Variants in NCAPH2 observed in about 807,000 individuals in gnomAD.
NCAPH2 encodes condensin-2 complex subunit H2.
In NCAPH2, 56 loss-of-function variants were observed where a neutral mutation model predicts 88.6. The ratio of observed to expected loss-of-function variants is 0.63; its 90% CI spans 0.51 to 0.79. The LOEUF is 0.79. Among genes scored for constraint, NCAPH2 ranks in the 30% least tolerant of loss-of-function variants. The pLI is 0.00. For synonymous variants in NCAPH2, 378 were observed against 313.6 expected, an observed-to-expected ratio of 1.21 and a Z score of -2.17; for missense variants, 794 against 792.0, an observed-to-expected ratio of 1.00 and a Z score of -0.03.
intron 1 of NCAPH2, among the ~76,000 whole-genome samples, chr22:50,515,451 C>T (rs1176237129): frequency 5.3e-5 from 8 of 152,174 alleles, no homozygotes; most frequent in Non-Finnish European, 1.2e-4. Context: ...GGCTGGAGTG[C>T]AGTGGCGCGA....
intron 2 of NCAPH2, 42 bp downstream of exon 2, chr22:50,516,590 G>C (rs369628738): frequency 6.3e-7 from 1 of 1,582,198 alleles, no homozygotes; most frequent in South Asian, 1.1e-5. Context: ...TTGGTGGCCA[G>C]TGGGACCACA....
At chr22:50,512,617 C>A (rs2068816958) in intron 1 of NCAPH2, among the ~76,000 whole-genome samples, 1 of 145,928 alleles carries the variant, frequency 6.9e-6, no homozygotes. Context: ...GTGGTGCAAT[C>A]ATGGCTCACT....
rs753614511 is a variant in NCAPH2 at position 50,523,904 on chromosome 22, C to T, written c.*529C>T. On this transcript the variant is annotated 3_prime_UTR_variant, in exon 20 of 20. Coordinates refer to ENST00000420993, the MANE Select transcript of NCAPH2 (RefSeq NM_152299.4). ...GCCATGGCTTCAACGTCGTCCCGCT[C>T]GGGGTCCACAGTGATGAAGACAGGC... 2.4e-5 allele frequency: 38 copies of T among 1,613,648 alleles called. No individual in the cohort carries two copies. Among genetic ancestry groups the T allele is most frequent in the Non-Finnish European group, 2.7e-5 (32 of 1,179,978 alleles).
chr22:50,510,739 C>T (rs1272582590), intron 1 of NCAPH2, among the ~76,000 whole-genome samples: 2 of 151,900 alleles, frequency 1.3e-5, no homozygotes, highest in African/African-American at 2.4e-5. Context: ...TGACTGAGTC[C>T]TTTTCATTCT....
Position 50,524,220 on chromosome 22 carries a change from T to TGTGATCAGCAGCCGGGTTCGAAG in NCAPH2, c.*846_*868dup. The TGTGATCAGCAGCCGGGTTCGAAG allele has an allele frequency of 6.2e-7, 1 of 1,607,906 alleles. No individual in the cohort carries two copies. Among genetic ancestry groups the TGTGATCAGCAGCCGGGTTCGAAG allele is most frequent in the Non-Finnish European group, 8.5e-7 (1 of 1,179,850 alleles). ...CACCGAGTCCAGCCCCGAACAGGCC[T>TGTGATCAGCAGCCGGGTTCGAAG]GTGATCAGCAGCCGGGTTCGAAGCC... On this transcript the variant is annotated 3_prime_UTR_variant, in exon 20 of 20. Coordinates refer to ENST00000420993, the MANE Select transcript of NCAPH2 (RefSeq NM_152299.4).
Position 50,508,304 on chromosome 22 carries a change from C to G in NCAPH2, c.-34C>G. 2 of 1,451,826 alleles carry G rather than the reference C, an allele frequency of 1.4e-6. No homozygotes were observed. 89.9% of individuals were successfully genotyped at this position (1,451,826 alleles called of 1,614,324 possible). A position where few individuals can be genotyped will look rare whatever the true frequency, so the allele number is the denominator to read the frequency against. ...ACGCCGTACCCCTCGGAAGGCAGCC[C>G]TGCGGTCCCTTTGCCGCCCGTTCCC... On this transcript the variant is annotated 5_prime_UTR_variant, in exon 1 of 20. Transcript: ENST00000420993.
chr22:50,524,474 T>C lies in NCAPH2; in HGVS notation c.*1099T>C. 6.5e-7 allele frequency: 1 copy of C among 1,527,498 alleles called. No individual in the cohort carries two copies. The highest frequency in any genetic ancestry group is 9.0e-7 in the Non-Finnish European group (1 of 1,111,020). The allele number at this position is 1,527,498 out of a possible 1,614,324, so 94.6% of individuals were successfully genotyped here. On this transcript the variant is annotated 3_prime_UTR_variant, in exon 20 of 20. Transcript: ENST00000420993. ...AGCCAGAAGGGAAGGCCCAGGACAG[T>C]GCCTGGGCTGCCCCTGCGACTTGAG... is the stretch of plus-strand genomic sequence containing the variant.
chr22:50,511,481 C>G (rs1289518561), intron 1 of NCAPH2, among the ~76,000 whole-genome samples: 1 of 140,450 alleles, frequency 7.1e-6, no homozygotes, highest in Non-Finnish European at 1.5e-5. Flanking sequence ...TTAGTAGAGA[C>G]GGGGTTTCAC....
Position 50,517,962 on chromosome 22 carries a change from C to A in NCAPH2, c.421-11C>A. On this transcript the variant is annotated splice_polypyrimidine_tract_variant and intron_variant, in intron 5 of 19. Coordinates refer to ENST00000420993, the MANE Select transcript of NCAPH2 (RefSeq NM_152299.4). ...GGGTGCCTGGCTCACCCACCCTTGGCCTCCATGCAGGAGGTCCTCATCATC... is the reference window on the plus strand; with the variant it reads ...GGGTGCCTGGCTCACCCACCCTTGGACTCCATGCAGGAGGTCCTCATCATC... The A allele has an allele frequency of 6.2e-7, 1 of 1,612,060 alleles. No individual in the cohort carries two copies. The highest frequency in any genetic ancestry group is 8.5e-7 in the Non-Finnish European group (1 of 1,178,898).
At chr22:50,509,099 G>C (rs914038549) in intron 1 of NCAPH2, among the ~76,000 whole-genome samples, 1 of 151,994 alleles carries the variant, frequency 6.6e-6, no homozygotes, top group Non-Finnish European at 1.5e-5. Context: ...AAACATGGTG[G>C]TAGGATTTTT....
intron 1 of NCAPH2, among the ~76,000 whole-genome samples, chr22:50,510,850 A>G (rs939337725): frequency 7.0e-6 from 1 of 142,732 alleles, no homozygotes; most frequent in African/African-American, 2.6e-5. Context: ...AACCATTTAA[A>G]TTTTTTTTTT....
chr22:50,524,562 A>C lies in NCAPH2; in HGVS notation c.*1187A>C, dbSNP rs1418707538. On this transcript the variant is annotated 3_prime_UTR_variant, in exon 20 of 20. Coordinates refer to ENST00000420993, the MANE Select transcript of NCAPH2 (RefSeq NM_152299.4). ...GCTTAACAGGCATTTGCAGCTGCTC[A>C]CCTGAGCTCAGAACTCCACCTCCAC... 5.1e-6 allele frequency: 4 copies of C among 790,342 alleles called. No individual in the cohort carries two copies. Among genetic ancestry groups the C allele is most frequent in the Non-Finnish European group, 8.8e-6 (4 of 452,966 alleles). 49.0% of individuals were successfully genotyped at this position (790,342 alleles called of 1,614,324 possible). A position where few individuals can be genotyped will look rare whatever the true frequency, so the allele number is the denominator to read the frequency against.
chr22:50,510,782 C>G (rs1157621463), intron 1 of NCAPH2, among the ~76,000 whole-genome samples: 1 of 151,998 alleles, frequency 6.6e-6, no homozygotes. Context: ...GCTGACCACC[C>G]TATCTAAAAT....
intron 9 of NCAPH2, chr22:50,519,552 TGGC>T: frequency 7.7e-7 from 1 of 1,306,320 alleles, no homozygotes; most frequent in African/African-American, 1.5e-5. Flanking sequence ...AGTAGTGGGC[TGGC>T]GTCCAAGGAT....
At position 50,518,231 on chromosome 22, in the gene NCAPH2, C is replaced by G; in HGVS notation, c.599C>G (p.Ser200Cys). 6.2e-7 allele frequency: 1 copy of G among 1,613,920 alleles called. No homozygotes were observed. Among genetic ancestry groups the G allele is most frequent in the Non-Finnish European group, 8.5e-7 (1 of 1,180,004 alleles). Residue 200 changes from serine to cysteine, a missense_variant, in exon 7 of 20, where the codon TCC becomes TGC. This residue lies in a region of NCAPH2 where 735 missense variants were observed against 696.3 expected (regional missense o/e 1.06). Coordinates refer to ENST00000420993, the MANE Select transcript of NCAPH2 (RefSeq NM_152299.4). ...TTCATGTTGGAGCCAGAGGGCATGT[C>G]CCCCATGGAACCAGCGGGCGTTTCC... ...GAFMLEPEGMSPMEPAGVSPM... is the reference protein window; with the variant it reads ...GAFMLEPEGMCPMEPAGVSPM...
At chr22:50,512,350 G>A (rs1056774484) in intron 1 of NCAPH2, among the ~76,000 whole-genome samples, 2 of 152,194 alleles carry the variant, frequency 1.3e-5, no homozygotes, top group Admixed American at 6.5e-5. Flanking sequence ...ACATCAAGCA[G>A]GGTCCATGAG....
chr22:50,519,164 T>C, intron 8 of NCAPH2, 26 bp from the exon 9 acceptor site: 1 of 1,583,282 alleles, frequency 6.3e-7, no homozygotes, highest in African/African-American at 1.4e-5. Context: ...TCCTTGGAGC[T>C]GATCACTCTC....
At position 50,519,267 on chromosome 22, in the gene NCAPH2, G is replaced by A. The variant is rs779533077; in HGVS notation, c.808G>A (p.Ala270Thr). ...DAEEAVELPE[A>T]SAPKAALEPK... ...AGAGGAGGCAGTAGAGCTTCCTGAG[G>A]CCTCGGCCCCCAAGGCCGCTCTGGA... Residue 270 changes from alanine to threonine, a missense_variant, in exon 9 of 20, where the codon GCC (alanine) becomes ACC (threonine). Transcript: ENST00000420993. 3.1e-6 allele frequency: 5 copies of A among 1,607,648 alleles called. No individual in the cohort carries two copies. In the South Asian group the frequency reaches 4.5e-5, roughly 14 times the overall value.
intron 1 of NCAPH2, among the ~76,000 whole-genome samples, chr22:50,510,801 C>T (rs548223694): frequency 2.0e-5 from 3 of 152,176 alleles, no homozygotes; most frequent in East Asian, 1.9e-4. Context: ...ATAGTCCTCT[C>T]CATCTCAGCA....
Sources: gnomAD v4.1 joint callset for allele counts (sites outside exome capture counted in the v4.1 genomes callset) on GRCh38, gnomAD v4.1.1 for gene constraint, gnomAD v4.1.1 regional missense constraint, MANE v1.5 for transcripts, NCBI Gene and HGNC (gene_info 2026-07-23, HGNC 2026-07-21) for gene names.